The following GAP43 variants were observed in gnomAD, a reference collection of about 807,000 sequenced individuals.
The protein encoded by GAP43 is neuromodulin.
GAP43 carries 6 observed loss-of-function variants against 18.6 expected under a neutral mutation model. That is an observed-to-expected ratio of 0.32 (90% CI 0.18 to 0.64). GAP43 has a LOEUF of 0.64. Among genes scored for constraint, GAP43 ranks in the 30% least tolerant of loss-of-function variants. The pLI is 0.78. For missense variants in GAP43, 292 were observed against 295.5 expected (o/e 0.99, Z 0.09); for synonymous variants, 115 against 111.4 (o/e 1.03, Z -0.20).
intron 1 of GAP43, among the ~76,000 whole-genome samples, chr3:115,674,670 A>C (rs374098279): frequency 6.6e-5 from 10 of 152,194 alleles, no homozygotes; most frequent in African/African-American, 2.4e-4. Flanking sequence ...CATTTTTTAA[A>C]ATTCAGGAAT....
intron 2 of GAP43, among the ~76,000 whole-genome samples, chr3:115,683,132 CGT>C (rs71141832): frequency 0.21 from 18,851 of 88,514 alleles, 1,499 homozygotes; most frequent in South Asian, 0.29. Context: ...TGTGCGCGCG[CGT>C]GCGCGCGCGC....
At chr3:115,670,064 T>C (rs1270663136) in intron 1 of GAP43, among the ~76,000 whole-genome samples, 1 of 135,840 alleles carries the variant, frequency 7.4e-6, no homozygotes, top group African/African-American at 2.9e-5. Flanking sequence ...GTTACATATG[T>C]ATACATGTGC....
intron 2 of GAP43, among the ~76,000 whole-genome samples, chr3:115,719,345 C>A (rs1356107390): frequency 6.6e-6 from 1 of 152,118 alleles, no homozygotes; most frequent in Non-Finnish European, 1.5e-5. Context: ...TGACCATTGG[C>A]TGGCATCTGG....
chr3:115,629,464 C>T (rs575918989), intron 1 of GAP43, among the ~76,000 whole-genome samples: 11 of 149,866 alleles, frequency 7.3e-5, no homozygotes, highest in African/African-American at 2.5e-4. Flanking sequence ...TTGGTGCCTT[C>T]GCTTGTACTC....
intron 2 of GAP43, among the ~76,000 whole-genome samples, chr3:115,696,567 T>TCC (rs1418299087): frequency 1.8e-5 from 2 of 108,886 alleles, no homozygotes; most frequent in African/African-American, 9.2e-5. Context: ...ATTTCCTTGC[T>TCC]GCCCCCCACC....
At chr3:115,715,534 A>G (rs1709492725) in intron 2 of GAP43, among the ~76,000 whole-genome samples, 1 of 152,228 alleles carries the variant, frequency 6.6e-6, no homozygotes, top group African/African-American at 2.4e-5. Context: ...TATTTACTCT[A>G]AATGGAACAT....
At chr3:115,692,918 A>G (rs1184662728) in intron 2 of GAP43, among the ~76,000 whole-genome samples, 1 of 152,204 alleles carries the variant, frequency 6.6e-6, no homozygotes, top group Admixed American at 6.5e-5. Context: ...CGAAGGACCA[A>G]AAAATCAAAA....
At chr3:115,633,963 T>C (rs2107466591) in intron 1 of GAP43, among the ~76,000 whole-genome samples, 1 of 152,338 alleles carries the variant, frequency 6.6e-6, no homozygotes, top group East Asian at 1.9e-4. Context: ...ATTCCAGCAA[T>C]AATAACCACA....
intron 2 of GAP43, among the ~76,000 whole-genome samples, chr3:115,710,797 A>G (rs908228658): frequency 6.6e-6 from 1 of 152,214 alleles, no homozygotes; most frequent in Non-Finnish European, 1.5e-5. Flanking sequence ...AGTGAAACTT[A>G]GGTTTTATGA....
chr3:115,676,013 G>A lies in GAP43; in HGVS notation c.31G>A (p.Val11Ile), dbSNP rs201526194. MLCCMRRTKQ[V>I]EKNDDDQKIE... ...CTTTTCCCTTCTTTTCTCGACAAAG[G>A]TTGAAAAAAATGATGACGACCAAAA... The change falls in exon 2 of 3, where the codon GTT (valine) becomes ATT (isoleucine). Residue 11 changes from valine to isoleucine, a missense_variant and splice_region_variant. Physicochemically the swap from Val to Ile is conservative, Grantham distance 29. Coordinates refer to ENST00000305124, the MANE Select transcript of GAP43 (RefSeq NM_002045.4). The A allele has an allele frequency of 4.4e-6, 7 of 1,594,394 alleles. No individual in the cohort carries two copies. In the Admixed American group the frequency reaches 7.1e-5, roughly 16 times the overall value.
intron 1 of GAP43, among the ~76,000 whole-genome samples, chr3:115,673,246 A>G (rs1708837379): frequency 6.6e-6 from 1 of 152,204 alleles, no homozygotes; most frequent in African/African-American, 2.4e-5. Flanking sequence ...AGAAAGAGAA[A>G]GAGGAGGGAG....
chr3:115,703,186 A>C (rs1709317758), intron 2 of GAP43, among the ~76,000 whole-genome samples: 1 of 152,154 alleles, frequency 6.6e-6, no homozygotes, highest in South Asian at 2.1e-4. Flanking sequence ...TATTAAAAAC[A>C]GTAAAGCTAA....
intron 1 of GAP43, among the ~76,000 whole-genome samples, chr3:115,626,797 A>G (rs946449389): frequency 6.6e-6 from 1 of 152,018 alleles, no homozygotes; most frequent in Non-Finnish European, 1.5e-5. Context: ...TTTTTTCCTC[A>G]TGCAACAAAT....
At chr3:115,627,043 T>C (rs1351156468) in intron 1 of GAP43, among the ~76,000 whole-genome samples, 2 of 138,382 alleles carry the variant, frequency 1.4e-5, no homozygotes, top group African/African-American at 5.3e-5. Context: ...CTTCTCGTTC[T>C]TTTTTTTTTT....
intron 2 of GAP43, among the ~76,000 whole-genome samples, chr3:115,710,700 A>T (rs172220): frequency 0.97 from 148,013 of 152,244 alleles, 72,095 homozygotes; most frequent in East Asian, 1. Flanking sequence ...TAGCAAAAAA[A>T]TTTCATTATT....
At position 115,676,501 on chromosome 3, in the gene GAP43, T is replaced by C. The variant is rs1708890689; in HGVS notation, c.519T>C (p.Ala173=). The change falls in exon 2 of 3, where the codon GCT becomes GCC. Residue 173 remains alanine (A), a synonymous_variant. Transcript: ENST00000305124. ...EEPKQADVPA[A]VTAAAATTPA... ...CTAAACAAGCCGATGTGCCTGCTGC[T>C]GTCACTGCTGCTGCTGCCACCACCC... The C allele has an allele frequency of 3.1e-6, 5 of 1,614,010 alleles. No individual in the cohort carries two copies. The highest frequency in any genetic ancestry group is 4.2e-6 in the Non-Finnish European group (5 of 1,180,008).
intron 2 of GAP43, among the ~76,000 whole-genome samples, chr3:115,706,863 A>T (rs824357): frequency 0.17 from 26,175 of 152,202 alleles, 2,520 homozygotes; most frequent in South Asian, 0.26. Flanking sequence ...GTTAGAAGAG[A>T]AAAGGTTGAA....
rs189125663 is a variant in GAP43 at position 115,652,415 on chromosome 3, C to T, written c.31-23598C>T. Among the ~76,000 whole-genome samples the T allele has an allele frequency of 3.0e-5, 3 of 99,288 alleles. No homozygotes were observed. The East Asian group carries it at 9.9e-4, about 33-fold the overall frequency. 65.1% of individuals were successfully genotyped at this position (99,288 alleles called of 152,430 possible). ...TAGAGTCTTGCTCTGTTGAGTCTTGCTCTGTTGTCCAGGCTTAAGTGCAGT... is the reference window on the plus strand; with the variant it reads ...TAGAGTCTTGCTCTGTTGAGTCTTGTTCTGTTGTCCAGGCTTAAGTGCAGT... On this transcript the variant is annotated intron_variant, in intron 1 of 2. Transcript: ENST00000305124.
intron 1 of GAP43, among the ~76,000 whole-genome samples, chr3:115,665,119 CT>C (rs1267392735): frequency 6.6e-6 from 1 of 152,080 alleles, no homozygotes; most frequent in African/African-American, 2.4e-5. Context: ...ATGTGCCCCC[CT>C]CAAATAAATA....
Sources: allele counts gnomAD v4.1 joint callset (sites outside exome capture counted in the v4.1 genomes callset), GRCh38; gene constraint gnomAD v4.1.1; transcripts MANE v1.5; gene names NCBI Gene and HGNC (gene_info 2026-07-23, HGNC 2026-07-21).